Variants in NEDD4 observed in about 807,000 individuals in gnomAD.
NEDD4 encodes NEDD4 E3 ubiquitin protein ligase.
In NEDD4, 99 loss-of-function variants were observed where a neutral mutation model predicts 144.9. The ratio of observed to expected loss-of-function variants is 0.68; its 90% CI spans 0.58 to 0.81. The LOEUF is 0.81. NEDD4 is among the 30% of genes least tolerant of loss of function. The pLI is 0.00. For missense variants in NEDD4, 985 were observed against 1,065.9 expected, an observed-to-expected ratio of 0.92 and a Z score of 1.06; for synonymous variants, 318 against 350.6, an observed-to-expected ratio of 0.91 and a Z score of 1.04.
chr15:55,978,699 TAA>T (rs1362269672), intron 1 of NEDD4, among the ~76,000 whole-genome samples: 1 of 152,150 alleles, frequency 6.6e-6, no homozygotes, highest in African/African-American at 2.4e-5. Flanking sequence ...AACTCATGAG[TAA>T]AGAGAGCTTT....
chr15:55,916,185 A>G (rs1208217249), intron 5 of NEDD4: 2 of 1,613,998 alleles, frequency 1.2e-6, no homozygotes, highest in Admixed American at 3.3e-5. Context: ...CCTGTTTGGC[A>G]CACTTCTATT....
chr15:55,936,682 G>A (rs1200437694), intron 4 of NEDD4, among the ~76,000 whole-genome samples: 1 of 152,108 alleles, frequency 6.6e-6, no homozygotes, highest in Non-Finnish European at 1.5e-5. Context: ...AGATGCCCAA[G>A]CACAATTCTT....
intron 28 of NEDD4, 33 bp downstream of exon 28, chr15:55,830,481 C>A (rs758980770): frequency 6.3e-7 from 1 of 1,587,152 alleles, no homozygotes; most frequent in East Asian, 2.2e-5. Flanking sequence ...CTCTCTGAGG[C>A]TTTGTTCTAT....
chr15:55,909,162 C>A (rs2036192424), intron 5 of NEDD4, among the ~76,000 whole-genome samples: 2 of 152,158 alleles, frequency 1.3e-5, no homozygotes, highest in African/African-American at 2.4e-5. Flanking sequence ...ACTAGAAATG[C>A]CATGAATTTA....
rs543141717 is a variant in NEDD4 at position 55,891,712 on chromosome 15, C to T, written c.292-17704G>A. Among the ~76,000 whole-genome samples, 7 of 152,232 alleles carry T rather than the reference C, an allele frequency of 4.6e-5. No homozygotes were observed. The South Asian group carries it at 1.2e-3, about 27-fold the overall frequency. ...AATACCTTTTCTAGTATTATAATGA[C>T]ATGAATTTCAGTTTCTTAAAACAAT... On this transcript the variant is annotated intron_variant, in intron 5 of 28. Transcript: ENST00000435532.
chr15:55,864,614 G>A (rs1595766396), intron 8 of NEDD4, among the ~76,000 whole-genome samples: 2 of 151,382 alleles, frequency 1.3e-5, no homozygotes, highest in South Asian at 2.1e-4. Flanking sequence ...CCCGAGAGGC[G>A]GAGGTGATGG....
chr15:55,830,786 A>G (rs967936965), intron 27 of NEDD4, among the ~76,000 whole-genome samples, 200 bp from the exon 28 acceptor site: 1 of 152,146 alleles, frequency 6.6e-6, no homozygotes, highest in African/African-American at 2.4e-5. Flanking sequence ...TGTAGCCTCA[A>G]GCTCCTGGGC....
chr15:55,938,518 A>C (rs1361076784), intron 4 of NEDD4, among the ~76,000 whole-genome samples: 1 of 152,196 alleles, frequency 6.6e-6, no homozygotes, highest in Non-Finnish European at 1.5e-5. Context: ...AGAAGAAAAC[A>C]GAGAAGAAGC....
intron 8 of NEDD4, among the ~76,000 whole-genome samples, chr15:55,865,054 C>T (rs551698499): frequency 5.9e-5 from 9 of 151,706 alleles, no homozygotes; most frequent in South Asian, 4.2e-4. Flanking sequence ...AAAAATTAGC[C>T]GGGCATGGTG....
chr15:55,959,450 A>G (rs1041703593), intron 2 of NEDD4, among the ~76,000 whole-genome samples: 7 of 152,190 alleles, frequency 4.6e-5, no homozygotes, highest in African/African-American at 7.2e-5. Flanking sequence ...TACCATGTGC[A>G]TTTCAAAAGA....
chr15:55,870,025 G>T (rs2034726597), intron 7 of NEDD4, among the ~76,000 whole-genome samples: 1 of 152,064 alleles, frequency 6.6e-6, no homozygotes, highest in Non-Finnish European at 1.5e-5. Context: ...AGAGGAAAAG[G>T]CATATGAGTA....
chr15:55,912,901 T>C (rs932691719), intron 5 of NEDD4, among the ~76,000 whole-genome samples: 4 of 152,162 alleles, frequency 2.6e-5, no homozygotes, highest in Admixed American at 1.3e-4. Context: ...AACATTATTA[T>C]GGAGATAGAC....
At chr15:55,935,839 C>A in intron 4 of NEDD4, among the ~76,000 whole-genome samples, 1 of 111,158 alleles carries the variant, frequency 9.0e-6, no homozygotes. Flanking sequence ...GAGTGAGACT[C>A]TGTTTCAAAA....
chr15:55,830,300 G>A (rs1394007808), intron 28 of NEDD4, among the ~76,000 whole-genome samples: 1 of 152,214 alleles, frequency 6.6e-6, no homozygotes, highest in African/African-American at 2.4e-5. Context: ...CTCAGTTTAG[G>A]TGGGTCTCTC....
chr15:55,843,853 TA>T (rs1479859459), intron 18 of NEDD4, among the ~76,000 whole-genome samples: 1 of 151,994 alleles, frequency 6.6e-6, no homozygotes, highest in Non-Finnish European at 1.5e-5. Context: ...GGCCAGGTGG[TA>T]TTGTAGTAGG....
In NEDD4 at chr15:55,860,664, G is replaced by A. The variant is rs775887225; in HGVS notation, c.789C>T (p.Ser263=). 71 of 1,613,846 alleles carry A rather than the reference G, an allele frequency of 4.4e-5. No homozygotes were observed. The South Asian group carries it at 6.9e-4, about 16-fold the overall frequency. ...ETESVDNRES[S]ENWEIIREDE... Reference sequence around the variant, plus strand: ...AGAACTAGGAAACTACTTATACCTCGGAAGACTCTCGGTTGTCAACACTTT... The same window carrying A: ...AGAACTAGGAAACTACTTATACCTCAGAAGACTCTCGGTTGTCAACACTTT... Residue 263 remains serine, a synonymous_variant, in exon 10 of 29, where the codon TCC becomes TCT. Coordinates refer to ENST00000435532, the MANE Select transcript of NEDD4 (RefSeq NM_006154.4).
chr15:55,976,078 T>C (rs1237221154), intron 1 of NEDD4, among the ~76,000 whole-genome samples: 2 of 152,172 alleles, frequency 1.3e-5, no homozygotes, highest in African/African-American at 4.8e-5. Flanking sequence ...GATATCCATA[T>C]ATAGAAGAAT....
At chr15:55,882,573 T>G (rs938061822) in intron 5 of NEDD4, among the ~76,000 whole-genome samples, 1 of 152,208 alleles carries the variant, frequency 6.6e-6, no homozygotes, top group East Asian at 1.9e-4. Context: ...GGGTTCTAAA[T>G]AAACTTGAAA....
intron 1 of NEDD4, among the ~76,000 whole-genome samples, chr15:55,990,519 AC>A (rs1191896821): frequency 6.6e-6 from 1 of 152,206 alleles, no homozygotes; most frequent in Non-Finnish European, 1.5e-5. Flanking sequence ...GTTACCAGAT[AC>A]TGGAATACTT....
Sources: gnomAD v4.1 joint callset for allele counts (sites outside exome capture counted in the v4.1 genomes callset) on GRCh38, gnomAD v4.1.1 for gene constraint, MANE v1.5 for transcripts, NCBI Gene and HGNC (gene_info 2026-07-23, HGNC 2026-07-21) for gene names.